SSR1: variants seen among roughly 807,000 people sequenced by gnomAD.
SSR1 encodes signal sequence receptor subunit 1.
Under a neutral mutation model 36.1 loss-of-function variants are expected in SSR1, and 13 were observed. The ratio of observed to expected loss-of-function variants is 0.36; its 90% CI spans 0.23 to 0.57. The LOEUF is 0.57. Among genes scored for constraint, SSR1 ranks in the 20% least tolerant of loss-of-function variants. SSR1 has a pLI of 0.81. For synonymous variants in SSR1, 113 were observed against 118.9 expected (o/e 0.95, Z 0.32); for missense variants, 291 against 338.5 (o/e 0.86, Z 1.10).
chr6:7,292,378 A>G (rs951105468), intron 7 of SSR1, among the ~76,000 whole-genome samples: 6 of 151,512 alleles, frequency 4.0e-5, no homozygotes, highest in African/African-American at 1.5e-4. Flanking sequence ...GTCATAAAAA[A>G]CCCCATCTAC....
intron 7 of SSR1, among the ~76,000 whole-genome samples, chr6:7,292,884 T>G (rs1441464505): frequency 1.3e-5 from 2 of 152,160 alleles, no homozygotes; most frequent in African/African-American, 4.8e-5. Context: ...ACTGCTATAC[T>G]GCAATATGAC....
intron 4 of SSR1, 192 bp from the exon 5 acceptor site, chr6:7,299,015 A>G: frequency 1.7e-6 from 1 of 576,232 alleles, no homozygotes; most frequent in Non-Finnish European, 3.1e-6. Context: ...CACATGAAAT[A>G]AAGTCTCTGG....
At chr6:7,295,602 C>T (rs1407886424) in intron 6 of SSR1, 117 bp from the exon 7 acceptor site, 1 of 651,108 alleles carries the variant, frequency 1.5e-6, no homozygotes, top group Admixed American at 3.6e-5. Context: ...CTCCTGGGCT[C>T]AAGCAATCCT....
At position 7,295,204 on chromosome 6, in the gene SSR1, G is replaced by A. The variant is rs1189354627; in HGVS notation, c.793+188C>T. The stretch of plus-strand genomic sequence containing the variant: ...GATCTGGAAGAATTTCCAAATTAAA[G>A]CATAAGAAGACTACACACTGAATAA... On this transcript the variant is annotated intron_variant, in intron 7 of 7. Transcript: ENST00000244763. 3.8e-6 allele frequency: 5 copies of A among 1,315,478 alleles called. No individual in the cohort carries two copies. In the African/African-American group the frequency reaches 4.5e-5, roughly 12 times the overall value. The allele number at this position is 1,315,478 out of a possible 1,614,324, so 81.5% of individuals were successfully genotyped here.
intron 2 of SSR1, among the ~76,000 whole-genome samples, chr6:7,306,643 G>A (rs1314764859): frequency 6.7e-6 from 1 of 149,948 alleles, no homozygotes; most frequent in Middle Eastern, 3.6e-3. Flanking sequence ...TAGGCCAGGT[G>A]CAGTGGCTCA....
chr6:7,301,665 C>A, intron 3 of SSR1, 93 bp from the exon 4 acceptor site: 1 of 1,334,804 alleles, frequency 7.5e-7, no homozygotes, highest in Non-Finnish European at 1.0e-6. Flanking sequence ...GGCACCCTTT[C>A]CTGTGGACTT....
In SSR1 at chr6:7,281,467, A is replaced by G. The variant is rs1757417213; in HGVS notation, c.*8397T>C. ...CCTAAGATATGCTGACAGAAATCACATTGAGTTTGCAAGCACTCAAATAGA... is the reference window on the plus strand; with the variant it reads ...CCTAAGATATGCTGACAGAAATCACGTTGAGTTTGCAAGCACTCAAATAGA... On this transcript the variant is annotated 3_prime_UTR_variant, in exon 8 of 8. Coordinates refer to ENST00000244763, the MANE Select transcript of SSR1 (RefSeq NM_003144.5). The G allele has an allele frequency of 6.6e-6, 1 of 152,254 alleles. No individual in the cohort carries two copies. The highest frequency in any genetic ancestry group is 1.5e-5 in the Non-Finnish European group (1 of 68,044). The allele number at this position is 152,254 out of a possible 1,614,324, so 9.4% of individuals were successfully genotyped here.
At chr6:7,294,170 T>TTAATC (rs1342908559) in intron 7 of SSR1, among the ~76,000 whole-genome samples, 1 of 152,104 alleles carries the variant, frequency 6.6e-6, no homozygotes, top group Non-Finnish European at 1.5e-5. Context: ...CAGAACAGGT[T>TTAATC]TAATCTATCA....
Position 7,285,965 on chromosome 6 carries a change from G to A in SSR1, c.*3899C>T, listed in dbSNP as rs550786989. On this transcript the variant is annotated 3_prime_UTR_variant, in exon 8 of 8. Coordinates refer to ENST00000244763, the MANE Select transcript of SSR1 (RefSeq NM_003144.5). The surrounding 1 kb of genome is among the most constrained non-coding windows in gnomAD (Gnocchi z 4.1). ...AATTATCATAGATACAATACAGCAA[G>A]TATATATGGTATATTCATTACTGAG... 6.6e-6 allele frequency: 1 copy of A among 152,298 alleles called. No individual in the cohort carries two copies. Among genetic ancestry groups the A allele is most frequent in the South Asian group, 2.1e-4 (1 of 4,828 alleles). 9.4% of individuals were successfully genotyped at this position (152,298 alleles called of 1,614,324 possible).
intron 4 of SSR1, among the ~76,000 whole-genome samples, chr6:7,299,484 A>C (rs1388845211): frequency 1.3e-5 from 2 of 152,158 alleles, no homozygotes; most frequent in African/African-American, 4.8e-5. Flanking sequence ...AGATCACCTG[A>C]GATCAGGAGT....
intron 7 of SSR1, among the ~76,000 whole-genome samples, chr6:7,290,247 C>T (rs1009333447): frequency 3.9e-5 from 6 of 152,210 alleles, no homozygotes; most frequent in African/African-American, 1.4e-4. Context: ...TTTATACATG[C>T]ATAAGTAAAC....
rs574914209 is a variant in SSR1 at position 7,301,746 on chromosome 6, T to C, written c.281-174A>G. On this transcript the variant is annotated intron_variant, in intron 3 of 7. Transcript: ENST00000244763. The stretch of plus-strand genomic sequence containing the variant: ...CGAGAAATTGGTTCAAGTTGCTGTA[T>C]AGGCTGAAACCCTTTTGTCTGTACG... Among the ~76,000 whole-genome samples the C allele has an allele frequency of 9.8e-5, 15 of 152,344 alleles. No homozygotes were observed. In the South Asian group the frequency reaches 2.9e-3, roughly 29 times the overall value.
rs1280319135 is a variant in SSR1 at position 7,288,340 on chromosome 6, GAT to G, written c.*1522_*1523del. The G allele has an allele frequency of 6.6e-6, 1 of 152,098 alleles. No individual in the cohort carries two copies. The highest frequency in any genetic ancestry group is 1.5e-5 in the Non-Finnish European group (1 of 68,012). The allele number at this position is 152,098 out of a possible 1,614,324, so 9.4% of individuals were successfully genotyped here. On this transcript the variant is annotated 3_prime_UTR_variant, in exon 8 of 8. Coordinates refer to ENST00000244763, the MANE Select transcript of SSR1 (RefSeq NM_003144.5). Reference sequence around the variant, plus strand: ...AAAAACTCAAACACTTTATATTACAGATATAGAGTTTATAATCCAGCAATGCC... The same window carrying G: ...AAAAACTCAAACACTTTATATTACAGATAGAGTTTATAATCCAGCAATGCC...
intron 2 of SSR1, among the ~76,000 whole-genome samples, chr6:7,308,731 AAC>A (rs936159426): frequency 1.5e-5 from 2 of 137,442 alleles, no homozygotes; most frequent in African/African-American, 5.7e-5. Context: ...CTGCCATTAA[AAC>A]ACATATAACT....
chr6:7,303,083 G>A (rs1215538202), intron 3 of SSR1, among the ~76,000 whole-genome samples: 1 of 136,008 alleles, frequency 7.4e-6, no homozygotes, highest in Non-Finnish European at 1.5e-5. Flanking sequence ...AGGTTGCAGT[G>A]AGCCGAGATC....
At chr6:7,295,306 A>C in intron 7 of SSR1, 86 bp downstream of exon 7, 1 of 1,266,392 alleles carries the variant, frequency 7.9e-7, no homozygotes, top group Non-Finnish European at 1.1e-6. Flanking sequence ...ATAGTACTGA[A>C]AAAGTTTTTT....
At chr6:7,293,051 C>T (rs971353461) in intron 7 of SSR1, among the ~76,000 whole-genome samples, 2 of 152,126 alleles carry the variant, frequency 1.3e-5, no homozygotes, top group African/African-American at 4.8e-5. Flanking sequence ...AGGACTACTC[C>T]CCCACGGCAA....
At position 7,283,512 on chromosome 6, in the gene SSR1, G is replaced by T. The variant is rs144590006; in HGVS notation, c.*6352C>A. The T allele has an allele frequency of 9.4e-3, 1,437 of 152,502 alleles. 13 individuals carry two copies. The highest frequency in any genetic ancestry group is 0.016 in the Non-Finnish European group (1,124 of 68,182). The allele number at this position is 152,502 out of a possible 1,614,324, so 9.4% of individuals were successfully genotyped here. Reference sequence around the variant, plus strand: ...TCTGCCCACCTTGGCCTCCCAAAGTGTTGGGATTACAGGTGTGAGCCACCG... The same window carrying T: ...TCTGCCCACCTTGGCCTCCCAAAGTTTTGGGATTACAGGTGTGAGCCACCG... On this transcript the variant is annotated 3_prime_UTR_variant, in exon 8 of 8. Transcript: ENST00000244763.
intron 4 of SSR1, among the ~76,000 whole-genome samples, chr6:7,299,256 G>C (rs1268633769): frequency 2.0e-5 from 3 of 152,212 alleles, no homozygotes; most frequent in South Asian, 4.1e-4. Context: ...CGTGCAGAAA[G>C]AAACAAAGCT....
Sources: allele counts gnomAD v4.1 joint callset (sites outside exome capture counted in the v4.1 genomes callset), GRCh38; gene constraint gnomAD v4.1.1; non-coding constraint Gnocchi (gnomAD v3.1); transcripts MANE v1.5; gene names NCBI Gene and HGNC (gene_info 2026-07-23, HGNC 2026-07-21).